The following CFDP1 variants were observed in gnomAD, a reference collection of about 807,000 sequenced individuals.
The protein encoded by CFDP1 is chromatin remodeling protein CFDP1.
A neutral mutation model predicts 40.1 loss-of-function variants in CFDP1; 31 were observed. The observed-to-expected ratio is 0.77, with a 90% CI of 0.58 to 1.04. The LOEUF is 1.04. CFDP1 is among the 50% of genes least tolerant of loss of function. CFDP1 has a pLI of 0.00. For synonymous variants in CFDP1, 167 were observed against 120.0 expected (o/e 1.39, Z -2.56); for missense variants, 423 against 343.4 (o/e 1.23, Z -1.83).
intron 5 of CFDP1, among the ~76,000 whole-genome samples, chr16:75,360,500 C>T (rs932243356): frequency 1.3e-5 from 2 of 152,158 alleles, no homozygotes; most frequent in Non-Finnish European, 2.9e-5. Context: ...GGGTCCAAAA[C>T]AGGTTTTTGT....
chr16:75,425,234 T>TA (rs752849216), intron 1 of CFDP1, among the ~76,000 whole-genome samples: 10 of 151,740 alleles, frequency 6.6e-5, no homozygotes, highest in Non-Finnish European at 1.3e-4. Context: ...TTACAATGCA[T>TA]ATGGTGGCCA....
In CFDP1 at chr16:75,352,007, CAAA is replaced by C. The variant is rs3975153; in HGVS notation, c.650+43080_650+43082del. Among the ~76,000 whole-genome samples the C allele has an allele frequency of 1.4e-4, 12 of 86,764 alleles. 1 individual carries two copies. Among genetic ancestry groups the C allele is most frequent in the Admixed American group, 5.9e-4 (5 of 8,484 alleles). 56.9% of individuals were successfully genotyped at this position (86,764 alleles called of 152,430 possible). ...TGGGCGACAGACTGAGACTCTGTCT[CAAA>C]AAAAAAAAAAAAAAAAAAAAAAAGA... On this transcript the variant is annotated intron_variant, in intron 5 of 6. Transcript: ENST00000283882.
chr16:75,408,512 G>C (rs1177375234), intron 4 of CFDP1, among the ~76,000 whole-genome samples: 3 of 152,026 alleles, frequency 2.0e-5, no homozygotes, highest in Admixed American at 6.6e-5. Flanking sequence ...AGGTGCAGTG[G>C]CTCACACTGT....
chr16:75,411,927 C>A lies in CFDP1; in HGVS notation c.428G>T (p.Ser143Ile). The change falls in exon 4 of 7, where the codon AGT becomes ATT. Residue 143 changes from serine (S) to isoleucine (I), a missense_variant. Physicochemically the swap from Ser to Ile is moderately radical, Grantham distance 142. Transcript: ENST00000283882. ...VKKGEETEET[S>I]SSKLLVKAEE... ...TGCTTTTACCAACAATTTACTTGAA[C>A]TTGTCTCTTCAGTCTCCTCTCCTTT... is the stretch of plus-strand genomic sequence containing the variant. 1 of 1,609,718 alleles carries A rather than the reference C, an allele frequency of 6.2e-7. No individual in the cohort carries two copies. Among genetic ancestry groups the A allele is most frequent in the Non-Finnish European group, 8.5e-7 (1 of 1,179,018 alleles).
At chr16:75,429,056 G>A (rs12448947) in intron 1 of CFDP1, among the ~76,000 whole-genome samples, 78,359 of 151,596 alleles carry the variant, frequency 0.52, 21,315 homozygotes, top group Admixed American at 0.64. Flanking sequence ...AGTGGAGGTT[G>A]CAGGGAGCCT....
At position 75,421,841 on chromosome 16, in the gene CFDP1, C is replaced by T. The variant is rs576805317; in HGVS notation, c.65-7146G>A. 4.8e-4 allele frequency among the ~76,000 whole-genome samples: 73 copies of T among 152,228 alleles called. 1 individual carries two copies. Among genetic ancestry groups the T allele is most frequent in the Non-Finnish European group, 9.3e-4 (63 of 67,992 alleles). ...CCTCCATATTTCTGGGGAAGTGGTT[C>T]CAAGATCTCCCCCACCCCACACCAA... On this transcript the variant is annotated intron_variant, in intron 1 of 6. Transcript: ENST00000283882.
intron 5 of CFDP1, among the ~76,000 whole-genome samples, chr16:75,322,815 G>A (rs2078374314): frequency 6.6e-6 from 1 of 151,926 alleles, no homozygotes; most frequent in African/African-American, 2.4e-5. Context: ...TGCATTTTGG[G>A]TAAGGGATAC....
chr16:75,378,863 C>T (rs2151545765), intron 5 of CFDP1, among the ~76,000 whole-genome samples: 1 of 152,126 alleles, frequency 6.6e-6, no homozygotes, highest in South Asian at 2.1e-4. Flanking sequence ...AAATTAATAT[C>T]AACAAATTTA....
intron 5 of CFDP1, among the ~76,000 whole-genome samples, chr16:75,344,983 A>C (rs2078552309): frequency 6.6e-6 from 1 of 152,096 alleles, no homozygotes. Flanking sequence ...CAGGCTGGGT[A>C]AAGTGGCTCG....
rs975991993 is a variant in CFDP1, at chr16:75,420,582, A to G, written c.65-5887T>C. Among the ~76,000 whole-genome samples, 4 of 152,236 alleles carry G rather than the reference A, an allele frequency of 2.6e-5. No individual in the cohort carries two copies. In the South Asian group the frequency reaches 6.2e-4, roughly 24 times the overall value. On this transcript the variant is annotated intron_variant, in intron 1 of 6. Coordinates refer to ENST00000283882, the MANE Select transcript of CFDP1 (RefSeq NM_006324.3). ...GATGGAACAACTGGATAATATGTGT[A>G]GTATTGAACTCAACTGTGATTTGGA...
intron 5 of CFDP1, among the ~76,000 whole-genome samples, chr16:75,384,025 T>A (rs1376657263): frequency 1.3e-5 from 2 of 152,094 alleles, no homozygotes; most frequent in Non-Finnish European, 2.9e-5. Context: ...CACAAAATAA[T>A]ATTAGTTTAA....
At chr16:75,298,005 A>T (rs974052925) in intron 6 of CFDP1, among the ~76,000 whole-genome samples, 1 of 152,334 alleles carries the variant, frequency 6.6e-6, no homozygotes, top group African/African-American at 2.4e-5. Context: ...ACAAGACACA[A>T]GTGGAAAATT....
At chr16:75,377,213 T>C (rs1167360670) in intron 5 of CFDP1, among the ~76,000 whole-genome samples, 1 of 152,236 alleles carries the variant, frequency 6.6e-6, no homozygotes, top group Non-Finnish European at 1.5e-5. Context: ...CCTGTGATAA[T>C]GAACCTACCT....
At chr16:75,383,688 G>A (rs990628077) in intron 5 of CFDP1, among the ~76,000 whole-genome samples, 3 of 151,934 alleles carry the variant, frequency 2.0e-5, no homozygotes, top group South Asian at 2.1e-4. Flanking sequence ...GCATGGTGGT[G>A]GGCGCCTTTA....
chr16:75,308,453 A>G (rs2078272620), intron 5 of CFDP1, among the ~76,000 whole-genome samples: 1 of 152,068 alleles, frequency 6.6e-6, no homozygotes, highest in African/African-American at 2.4e-5. Context: ...TAGGAGAAAA[A>G]TTATTTTCCT....
intron 6 of CFDP1, among the ~76,000 whole-genome samples, chr16:75,299,500 C>G (rs1232933002): frequency 6.6e-6 from 1 of 151,192 alleles, no homozygotes; most frequent in Non-Finnish European, 1.5e-5. Flanking sequence ...GAGGCTGAGG[C>G]AGGAGAATGG....
At chr16:75,392,429 C>CAAA (rs113597080) in intron 5 of CFDP1, among the ~76,000 whole-genome samples, 2 of 150,974 alleles carry the variant, frequency 1.3e-5, no homozygotes, top group African/African-American at 4.9e-5. Flanking sequence ...AACAAAGCAA[C>CAAA]AAAAAAAAAC....
intron 5 of CFDP1, among the ~76,000 whole-genome samples, chr16:75,341,154 C>T (rs2078523979): frequency 6.6e-6 from 1 of 152,150 alleles, no homozygotes. Flanking sequence ...ATGCTATGTG[C>T]ATCTCATTGG....
intron 5 of CFDP1, among the ~76,000 whole-genome samples, chr16:75,345,223 G>A (rs1172753246): frequency 1.3e-5 from 2 of 151,946 alleles, no homozygotes; most frequent in African/African-American, 4.8e-5. Context: ...TTGGGAGGCC[G>A]AGGCAGGTGG....
Sources: allele counts gnomAD v4.1 joint callset (sites outside exome capture counted in the v4.1 genomes callset), GRCh38; gene constraint gnomAD v4.1.1; transcripts MANE v1.5; gene names NCBI Gene and HGNC (gene_info 2026-07-23, HGNC 2026-07-21).